The following ANKDD1A variants were observed in gnomAD, a reference collection of about 807,000 sequenced individuals.
ANKDD1A encodes the protein ankyrin repeat and death domain containing 1A, also known as ankyrin repeat and death domain-containing protein 1A.
Under a neutral mutation model 63.5 loss-of-function variants are expected in ANKDD1A, and 59 were observed. The ratio of observed to expected loss-of-function variants is 0.93; its 90% CI spans 0.75 to 1.15. The LOEUF is 1.15. ANKDD1A is among the 50% of genes most tolerant of loss of function. The pLI is 0.00. For missense variants in ANKDD1A, 632 were observed against 656.4 expected, an observed-to-expected ratio of 0.96 and a Z score of 0.41; for synonymous variants, 266 against 263.9, an observed-to-expected ratio of 1.01 and a Z score of -0.08.
At chr15:64,950,880 C>A in intron 14 of ANKDD1A, 1 of 1,182,308 alleles carries the variant, frequency 8.5e-7, no homozygotes, top group Non-Finnish European at 1.1e-6. Context: ...CTGTGGCATG[C>A]AATTAAAACA....
chr15:64,953,633 T>TCTTTCTC (rs1442181708), intron 14 of ANKDD1A, among the ~76,000 whole-genome samples: 1,201 of 4,642 alleles, frequency 0.26, 42 homozygotes, highest in Admixed American at 0.3. Flanking sequence ...TCTTCTTCCT[T>TCTTTCTC]CTTCTTCCTC....
chr15:64,935,398 G>A (rs929124816), intron 9 of ANKDD1A, among the ~76,000 whole-genome samples: 2 of 151,890 alleles, frequency 1.3e-5, no homozygotes, highest in African/African-American at 2.4e-5. Context: ...AGGTGTGGCC[G>A]GGTACAGTGG....
chr15:64,922,301 C>T lies in ANKDD1A; in HGVS notation c.366+282C>T, dbSNP rs529443304. 2.2e-3 allele frequency: 894 copies of T among 406,980 alleles called. 5 individuals carry two copies. The highest frequency in any genetic ancestry group is 3.0e-3 in the Non-Finnish European group (671 of 220,596). 25.2% of individuals were successfully genotyped at this position (406,980 alleles called of 1,614,324 possible). A position where few individuals can be genotyped will look rare whatever the true frequency, so the allele number is the denominator to read the frequency against. On this transcript the variant is annotated intron_variant, in intron 4 of 14. Coordinates refer to ENST00000319580, the MANE Select transcript of ANKDD1A (RefSeq NM_182703.6). The stretch of plus-strand genomic sequence containing the variant: ...AATGAGAAGGAGGTGAGGTCTCCTC[C>T]ACCCTCCTGCCAGGCTCTGCACCCC...
chr15:64,947,318 G>A, intron 12 of ANKDD1A, 86 bp from the exon 13 acceptor site: 4 of 1,397,198 alleles, frequency 2.9e-6, no homozygotes, highest in Non-Finnish European at 3.9e-6. Context: ...AGAGGTGGTA[G>A]GAGGGTCATA....
intron 14 of ANKDD1A, among the ~76,000 whole-genome samples, chr15:64,952,708 CTCCTT>C (rs1215161826): frequency 7.1e-6 from 1 of 141,810 alleles, no homozygotes; most frequent in African/African-American, 2.7e-5. Flanking sequence ...CTTAGTTCTT[CTCCTT>C]TCTTCTTTCT....
chr15:64,918,419 C>T (rs896338386), intron 3 of ANKDD1A, among the ~76,000 whole-genome samples: 1 of 152,174 alleles, frequency 6.6e-6, no homozygotes, highest in Non-Finnish European at 1.5e-5. Flanking sequence ...CCTTACCTCC[C>T]CCATTCCCCA....
intron 14 of ANKDD1A, among the ~76,000 whole-genome samples, chr15:64,952,373 TC>T (rs1415122759): frequency 3.5e-5 from 2 of 57,452 alleles, no homozygotes; most frequent in East Asian, 1.3e-3. Context: ...TCTTTCTTCT[TC>T]CTCTTTCCTT....
At chr15:64,926,026 C>A (rs531442148) in intron 4 of ANKDD1A, 40 bp from the exon 5 acceptor site, 3 of 1,572,754 alleles carry the variant, frequency 1.9e-6, no homozygotes. Flanking sequence ...AAAGGGCCTC[C>A]CTTCACAGAC....
rs1273759095 is a variant in ANKDD1A at position 64,934,344 on chromosome 15, G to A, written c.867+110G>A. ...CATCGGATCCTTGGGGTTGGGGTGC[G>A]GACCAGGAGTAGGGGAGCCGGCAGC... On this transcript the variant is annotated intron_variant, in intron 9 of 14. Transcript: ENST00000319580. 41 of 975,576 alleles carry A rather than the reference G, an allele frequency of 4.2e-5. No individual in the cohort carries two copies. The Admixed American group carries it at 5.2e-4, about 12-fold the overall frequency. 60.4% of individuals were successfully genotyped at this position (975,576 alleles called of 1,614,324 possible). A position where few individuals can be genotyped will look rare whatever the true frequency, so the allele number is the denominator to read the frequency against.
intron 14 of ANKDD1A, among the ~76,000 whole-genome samples, chr15:64,953,041 T>G (rs550427408): frequency 4.5e-5 from 1 of 22,342 alleles, no homozygotes. Flanking sequence ...TCTTCCTTTC[T>G]TCTTTCCTCT....
intron 1 of ANKDD1A, among the ~76,000 whole-genome samples, chr15:64,913,176 T>C (rs971936124): frequency 6.6e-6 from 1 of 152,150 alleles, no homozygotes; most frequent in Non-Finnish European, 1.5e-5. Flanking sequence ...GCACATAAGA[T>C]AGAGGGTGCC....
chr15:64,951,349 T>TCCTC (rs373847551), intron 14 of ANKDD1A: 1 of 612,020 alleles, frequency 1.6e-6, no homozygotes, highest in South Asian at 7.1e-5. Flanking sequence ...TCTTCTTTCC[T>TCCTC]CTTCTTTCTT....
At chr15:64,950,723 A>AGGGGGGGGGGGGGGGGG in intron 14 of ANKDD1A, 1 of 919,614 alleles carries the variant, frequency 1.1e-6, no homozygotes, top group Non-Finnish European at 1.3e-6. Context: ...GGGAAAAGAA[A>AGGGGGGGGGGGGGGGGG]GGACCGCCCC....
chr15:64,919,066 C>G (rs1045313927), intron 3 of ANKDD1A, among the ~76,000 whole-genome samples: 1 of 152,124 alleles, frequency 6.6e-6, no homozygotes, highest in Non-Finnish European at 1.5e-5. Context: ...TCGGGAGATA[C>G]TGGAGAAGGG....
chr15:64,947,295 C>A, intron 12 of ANKDD1A, 109 bp from the exon 13 acceptor site: 1 of 1,156,896 alleles, frequency 8.6e-7, no homozygotes. Flanking sequence ...CTCCAGCTCC[C>A]AGGCACCCCA....
intron 14 of ANKDD1A, among the ~76,000 whole-genome samples, chr15:64,954,111 CTT>C (rs2085374955): frequency 8.0e-6 from 1 of 125,064 alleles, no homozygotes; most frequent in Non-Finnish European, 1.7e-5. Flanking sequence ...TTTCTTCTTC[CTT>C]TCTTTTCTCC....
chr15:64,934,776 C>T (rs1379553233), intron 9 of ANKDD1A, among the ~76,000 whole-genome samples: 4 of 151,738 alleles, frequency 2.6e-5, no homozygotes, highest in African/African-American at 7.3e-5. Context: ...CTCAGGCTCC[C>T]AAAGTGCTGG....
At chr15:64,953,644 T>TTAG (rs2085353006) in intron 14 of ANKDD1A, among the ~76,000 whole-genome samples, 2 of 67,238 alleles carry the variant, frequency 3.0e-5, no homozygotes, top group Non-Finnish European at 7.6e-5. Flanking sequence ...CTTCTTCCTC[T>TTAG]TCCTTCTCCT....
intron 14 of ANKDD1A, 22 bp downstream of exon 14, chr15:64,949,994 C>A (rs1756667295): frequency 1.2e-6 from 2 of 1,604,582 alleles, no homozygotes; most frequent in Non-Finnish European, 1.7e-6. Flanking sequence ...CTCTGCTGGG[C>A]TGCTTCTCAG....
Sources: allele counts gnomAD v4.1 joint callset (sites outside exome capture counted in the v4.1 genomes callset), GRCh38; gene constraint gnomAD v4.1.1; transcripts MANE v1.5; gene names NCBI Gene and HGNC (gene_info 2026-07-23, HGNC 2026-07-21).